The following EDIL3 variants were observed in gnomAD, a reference collection of about 807,000 sequenced individuals.
The protein encoded by EDIL3 is EGF-like repeat and discoidin I-like domain-containing protein 3.
Under a neutral mutation model 67.4 loss-of-function variants are expected in EDIL3, and 37 were observed. That is an observed-to-expected ratio of 0.55 (90% confidence interval 0.42 to 0.72). EDIL3 has a LOEUF of 0.72. Ranked by LOEUF, EDIL3 falls within the 30% of genes least tolerant of loss-of-function variation. The probability of loss-of-function intolerance (pLI) is 0.00; values close to 1 mark genes in which losing one functional copy is unlikely to be tolerated. For synonymous variants in EDIL3, 195 were observed against 196.3 expected, an observed-to-expected ratio of 0.99 and a Z score of 0.05; for missense variants, 527 against 586.3, an observed-to-expected ratio of 0.90 and a Z score of 1.04.
In EDIL3 at chr5:84,247,078, T is replaced by A. The variant is rs1458079582; in HGVS notation, c.196+7006A>T. Among the ~76,000 whole-genome samples the A allele has an allele frequency of 4.6e-5, 7 of 152,062 alleles. No individual in the cohort carries two copies. In the East Asian group the frequency reaches 1.3e-3, roughly 29 times the overall value. On this transcript the variant is annotated intron_variant, in intron 2 of 10. Transcript: ENST00000296591. ...CCTTTGACCCTAGTTGACTGGAAAA[T>A]TTCTTAGCAATCATCTATTGGCTAG...
intron 1 of EDIL3, among the ~76,000 whole-genome samples, chr5:84,254,662 T>C (rs1458567481): frequency 1.3e-5 from 2 of 152,208 alleles, no homozygotes; most frequent in African/African-American, 2.4e-5. Flanking sequence ...CTTTGGCCAG[T>C]AGGTCGTTAA....
chr5:84,255,636 G>A (rs1465910988), intron 1 of EDIL3, among the ~76,000 whole-genome samples: 1 of 152,096 alleles, frequency 6.6e-6, no homozygotes, highest in African/African-American at 2.4e-5. Context: ...TCTCTGTAAG[G>A]TTTTTCACAT....
intron 4 of EDIL3, among the ~76,000 whole-genome samples, chr5:84,169,217 T>C (rs1285869210): frequency 1.3e-5 from 2 of 152,076 alleles, no homozygotes; most frequent in Non-Finnish European, 1.5e-5. Flanking sequence ...TTATTTCTGA[T>C]TGAAATTTTA....
chr5:84,002,959 AT>A (rs1184019445), intron 9 of EDIL3, among the ~76,000 whole-genome samples: 2 of 152,062 alleles, frequency 1.3e-5, no homozygotes, highest in African/African-American at 4.8e-5. Context: ...GTGGCTGAAC[AT>A]TTCCACTGAC....
At chr5:83,956,429 A>G (rs1744514912) in intron 10 of EDIL3, among the ~76,000 whole-genome samples, 2 of 151,678 alleles carry the variant, frequency 1.3e-5, no homozygotes, top group Non-Finnish European at 2.9e-5. Context: ...GTGGGTCCCT[A>G]TTATGTTCTC....
chr5:84,173,374 T>A (rs1748844952), intron 4 of EDIL3, among the ~76,000 whole-genome samples: 1 of 152,074 alleles, frequency 6.6e-6, no homozygotes, highest in Admixed American at 6.5e-5. Context: ...GAGCTGTGAC[T>A]ACAAAGAGGT....
At chr5:84,302,930 C>T (rs1746188520) in intron 1 of EDIL3, among the ~76,000 whole-genome samples, 1 of 152,056 alleles carries the variant, frequency 6.6e-6, no homozygotes, top group Non-Finnish European at 1.5e-5. Context: ...CTTCATGATG[C>T]TTACAATTTA....
intron 4 of EDIL3, among the ~76,000 whole-genome samples, chr5:84,167,568 TA>T: frequency 6.6e-6 from 1 of 152,274 alleles, no homozygotes; most frequent in Middle Eastern, 3.4e-3. Context: ...TTTCTTTTAC[TA>T]TGATGAAAGA....
intron 9 of EDIL3, among the ~76,000 whole-genome samples, chr5:84,018,979 C>T (rs1037387637): frequency 1.1e-4 from 16 of 152,148 alleles, no homozygotes; most frequent in East Asian, 7.7e-4. Flanking sequence ...CTGTGGAAGT[C>T]GGTGTGGCAA....
At chr5:84,111,961 G>A (rs972775286) in intron 5 of EDIL3, among the ~76,000 whole-genome samples, 4 of 152,134 alleles carry the variant, frequency 2.6e-5, no homozygotes, top group Admixed American at 2.6e-4. Flanking sequence ...ATAGGAGCTT[G>A]CATAGTGGAG....
chr5:84,327,734 G>A lies in EDIL3; in HGVS notation c.67+56574C>T, dbSNP rs377151029. The stretch of plus-strand genomic sequence containing the variant: ...AAGACCACTTTTCATTAAAGTTTAC[G>A]TTTGGAGCCATACAAGTTAGTGTGA... On this transcript the variant is annotated intron_variant, in intron 1 of 10. Transcript: ENST00000296591. Among the ~76,000 whole-genome samples the A allele has an allele frequency of 1.1e-3, 164 of 152,002 alleles. 1 individual carries two copies. The South Asian group carries it at 0.027, about 25-fold the overall frequency.
intron 9 of EDIL3, among the ~76,000 whole-genome samples, chr5:84,017,691 T>C (rs1202663717): frequency 1.3e-5 from 2 of 152,154 alleles, no homozygotes; most frequent in Admixed American, 1.3e-4. Flanking sequence ...AATTACAGCA[T>C]GCGCACCCAT....
chr5:84,328,229 T>C (rs1381149055), intron 1 of EDIL3, among the ~76,000 whole-genome samples: 1 of 152,064 alleles, frequency 6.6e-6, no homozygotes, highest in African/African-American at 2.4e-5. Flanking sequence ...TATAACTAGA[T>C]GTTCTATATG....
chr5:83,985,795 A>G (rs1405203639), intron 9 of EDIL3, among the ~76,000 whole-genome samples: 2 of 151,848 alleles, frequency 1.3e-5, no homozygotes, highest in Non-Finnish European at 2.9e-5. Context: ...AATATAAAAT[A>G]ATAGGTAAAA....
At chr5:84,302,813 T>C (rs930136558) in intron 1 of EDIL3, among the ~76,000 whole-genome samples, 7 of 152,204 alleles carry the variant, frequency 4.6e-5, no homozygotes, top group Admixed American at 6.5e-5. Context: ...AAGTATTCAA[T>C]CAAAGTAGAA....
intron 1 of EDIL3, among the ~76,000 whole-genome samples, chr5:84,361,652 T>C (rs1198160292): frequency 6.6e-6 from 1 of 151,904 alleles, no homozygotes; most frequent in Non-Finnish European, 1.5e-5. Flanking sequence ...ATTTGAAATG[T>C]TGACTTTTTT....
chr5:84,045,698 A>G (rs966716497), intron 9 of EDIL3, among the ~76,000 whole-genome samples: 1 of 152,250 alleles, frequency 6.6e-6, no homozygotes, highest in African/African-American at 2.4e-5. Context: ...CTAAAGAATT[A>G]TAATAGCGGC....
chr5:83,993,250 G>C (rs544164638), intron 9 of EDIL3, among the ~76,000 whole-genome samples: 27 of 152,102 alleles, frequency 1.8e-4, no homozygotes, highest in Non-Finnish European at 3.2e-4. Flanking sequence ...ACAGCTCACT[G>C]CACCCTCGAC....
rs535225552 is a variant in EDIL3 at position 84,344,079 on chromosome 5, G to A, written c.67+40229C>T. 1.4e-4 allele frequency among the ~76,000 whole-genome samples: 21 copies of A among 152,124 alleles called. No individual in the cohort carries two copies. The South Asian group carries it at 1.7e-3, about 12-fold the overall frequency. ...TACCTATCTCTGAAAACACACAGTC[G>A]ATGGTAGCAGAGGTTCTGTAGCTGT... On this transcript the variant is annotated intron_variant, in intron 1 of 10. Transcript: ENST00000296591.
Sources: gnomAD v4.1 joint callset for allele counts (sites outside exome capture counted in the v4.1 genomes callset) on GRCh38, gnomAD v4.1.1 for gene constraint, MANE v1.5 for transcripts, NCBI Gene and HGNC (gene_info 2026-07-23, HGNC 2026-07-21) for gene names.